Variants in SDK1 observed in about 807,000 individuals in gnomAD.
SDK1 encodes protein sidekick-1.
Under a neutral mutation model 245.5 loss-of-function variants are expected in SDK1, and 157 were observed. The observed-to-expected ratio is 0.64, with a 90% CI of 0.56 to 0.73. SDK1 has a LOEUF of 0.73. SDK1 is among the 30% of genes least tolerant of loss of function. The pLI is 0.00. For missense variants in SDK1, 3,583 were observed against 3,002.3 expected (o/e 1.19, Z -4.52); for synonymous variants, 1,647 against 1,278.5 (o/e 1.29, Z -6.15).
intron 25 of SDK1, among the ~76,000 whole-genome samples, chr7:4,126,847 C>T (rs79255476): frequency 2.6e-5 from 4 of 152,146 alleles, no homozygotes; most frequent in South Asian, 2.1e-4. Context: ...AAAGGGGTAA[C>T]GATACCTACT....
chr7:3,648,145 G>C, intron 4 of SDK1, among the ~76,000 whole-genome samples: 1 of 152,098 alleles, frequency 6.6e-6, no homozygotes, highest in Non-Finnish European at 1.5e-5. Context: ...AAATTGTTCT[G>C]TGTTATTTTG....
At chr7:3,850,141 G>A (rs1780381234) in intron 5 of SDK1, among the ~76,000 whole-genome samples, 1 of 152,146 alleles carries the variant, frequency 6.6e-6, no homozygotes, top group African/African-American at 2.4e-5. Context: ...AGAATGAAGA[G>A]CACCTGCCCT....
chr7:3,756,749 A>G (rs1243290325), intron 4 of SDK1, among the ~76,000 whole-genome samples: 2 of 152,042 alleles, frequency 1.3e-5, no homozygotes, highest in African/African-American at 2.4e-5. Flanking sequence ...AGTCCTCGTC[A>G]GGCATCTTTG....
chr7:3,956,012 G>C (rs897820069), intron 7 of SDK1, among the ~76,000 whole-genome samples: 2 of 152,188 alleles, frequency 1.3e-5, no homozygotes, highest in Non-Finnish European at 2.9e-5. Context: ...CTAACACCCT[G>C]ACTTCACACA....
intron 4 of SDK1, among the ~76,000 whole-genome samples, chr7:3,714,697 A>G (rs1315170016): frequency 6.6e-6 from 1 of 152,182 alleles, no homozygotes; most frequent in Non-Finnish European, 1.5e-5. Context: ...CAAGACACTT[A>G]TTTTCTCTCA....
Position 3,450,180 on chromosome 7 carries a change from CAT to C in SDK1, c.298+148297_298+148298del, listed in dbSNP as rs144391181. 1.6e-4 allele frequency among the ~76,000 whole-genome samples: 24 copies of C among 152,286 alleles called. No individual in the cohort carries two copies. The East Asian group carries it at 4.6e-3, about 29-fold the overall frequency. ...TATAATTGGATCATATGTATGTGCA[CAT>C]GTGTTCATATTTATCGATATGTGAG... On this transcript the variant is annotated intron_variant, in intron 1 of 44. Coordinates refer to ENST00000404826, the MANE Select transcript of SDK1 (RefSeq NM_152744.4).
At chr7:3,917,828 T>A (rs796591395) in intron 5 of SDK1, among the ~76,000 whole-genome samples, 6 of 152,302 alleles carry the variant, frequency 3.9e-5, no homozygotes, top group African/African-American at 1.2e-4. Flanking sequence ...GTAGATAGCG[T>A]GGCAAGTGCA....
intron 4 of SDK1, among the ~76,000 whole-genome samples, chr7:3,669,308 G>C (rs2568519): frequency 2.0e-5 from 3 of 151,988 alleles, no homozygotes; most frequent in Admixed American, 1.3e-4. Flanking sequence ...TACAGAAACA[G>C]ATTAACTACA....
At chr7:3,608,275 G>T (rs990958085) in intron 1 of SDK1, among the ~76,000 whole-genome samples, 1 of 152,122 alleles carries the variant, frequency 6.6e-6, no homozygotes, top group African/African-American at 2.4e-5. Flanking sequence ...TCTGCTGTAC[G>T]CCAAAATGTG....
intron 17 of SDK1, among the ~76,000 whole-genome samples, chr7:4,021,850 C>T (rs1425232352): frequency 1.3e-5 from 2 of 152,248 alleles, no homozygotes; most frequent in South Asian, 2.1e-4. Context: ...TTCTGCCTCA[C>T]TTTCTAAGTG....
At chr7:3,875,953 G>A (rs560356800) in intron 5 of SDK1, among the ~76,000 whole-genome samples, 2 of 152,184 alleles carry the variant, frequency 1.3e-5, no homozygotes, top group African/African-American at 2.4e-5. Flanking sequence ...TTGCCTGGCA[G>A]TTCTCTTGAG....
At position 3,498,731 on chromosome 7, in the gene SDK1, CT is replaced by C. The variant is rs574383263; in HGVS notation, c.299-120335del. ...TCAGAATGTTGCCTGTAGGCCTCAT[CT>C]TTTTTTTTTTTTTCCCCTTTACTCC... On this transcript the variant is annotated intron_variant, in intron 1 of 44. Transcript: ENST00000404826. Among the ~76,000 whole-genome samples the C allele has an allele frequency of 3.3e-3, 474 of 144,136 alleles. 3 individuals carry two copies. Among genetic ancestry groups the C allele is most frequent in the East Asian group, 5.1e-3 (25 of 4,886 alleles). 94.6% of individuals were successfully genotyped at this position (144,136 alleles called of 152,430 possible). A position where few individuals can be genotyped will look rare whatever the true frequency, so the allele number is the denominator to read the frequency against.
At chr7:3,493,274 C>CTGA (rs1264194263) in intron 1 of SDK1, among the ~76,000 whole-genome samples, 1 of 152,184 alleles carries the variant, frequency 6.6e-6, no homozygotes, top group Non-Finnish European at 1.5e-5. Context: ...AGATATATGT[C>CTGA]TGTCTGTCCA....
chr7:3,705,252 G>A (rs1177074975), intron 4 of SDK1, among the ~76,000 whole-genome samples: 4 of 151,762 alleles, frequency 2.6e-5, no homozygotes, highest in Admixed American at 1.3e-4. Context: ...GATAGGAATT[G>A]CATGCAATCT....
At chr7:3,866,423 A>T (rs1780822301) in intron 5 of SDK1, among the ~76,000 whole-genome samples, 1 of 152,176 alleles carries the variant, frequency 6.6e-6, no homozygotes, top group South Asian at 2.1e-4. Context: ...TTGAACGATG[A>T]AAGGGGGCCA....
intron 5 of SDK1, among the ~76,000 whole-genome samples, chr7:3,852,699 C>T (rs548590789): frequency 8.2e-4 from 110 of 133,544 alleles, no homozygotes; most frequent in African/African-American, 2.8e-3. Context: ...TGCAGTGAGC[C>T]GAGATCGCGC....
At chr7:4,131,717 T>G (rs1784832737) in intron 27 of SDK1, among the ~76,000 whole-genome samples, 1 of 152,084 alleles carries the variant, frequency 6.6e-6, no homozygotes, top group African/African-American at 2.4e-5. Context: ...CTAGCTGCTT[T>G]TTCAGTTATT....
chr7:3,492,719 C>A (rs1471521544), intron 1 of SDK1, among the ~76,000 whole-genome samples: 4 of 152,252 alleles, frequency 2.6e-5, no homozygotes, highest in South Asian at 4.1e-4. Flanking sequence ...ACATCCCTGA[C>A]AACCTGTTAA....
chr7:3,317,070 A>G (rs970152364), intron 1 of SDK1, among the ~76,000 whole-genome samples: 2 of 150,308 alleles, frequency 1.3e-5, no homozygotes, highest in African/African-American at 2.5e-5. Context: ...CGTCCCAGCT[A>G]CTTGAGGGGC....
Sources: allele counts gnomAD v4.1 joint callset (sites outside exome capture counted in the v4.1 genomes callset), GRCh38; gene constraint gnomAD v4.1.1; transcripts MANE v1.5; gene names NCBI Gene and HGNC (gene_info 2026-07-23, HGNC 2026-07-21).